The following DNER variants were observed in gnomAD, a reference collection of about 807,000 sequenced individuals.
DNER encodes the protein delta/notch like EGF repeat containing, also known as delta and Notch-like epidermal growth factor-related receptor.
A neutral mutation model predicts 78.2 loss-of-function variants in DNER; 33 were observed. The observed-to-expected ratio is 0.42, with a 90% CI of 0.32 to 0.56. The LOEUF (loss-of-function observed/expected upper bound fraction) is 0.56. DNER is among the 20% of genes least tolerant of loss of function. The pLI is 0.11. For synonymous variants in DNER, 417 were observed against 384.8 expected, an observed-to-expected ratio of 1.08 and a Z score of -0.98; for missense variants, 918 against 975.3, an observed-to-expected ratio of 0.94 and a Z score of 0.78.
intron 1 of DNER, among the ~76,000 whole-genome samples, chr2:229,593,469 C>A (rs6724108): frequency 6.6e-6 from 1 of 152,082 alleles, no homozygotes; most frequent in Non-Finnish European, 1.5e-5. Context: ...GAAATCTAAA[C>A]TAATCTCTTC....
rs776564523 is a variant in DNER at position 229,662,319 on chromosome 2, A to G, written c.276+51829T>C. 3.3e-5 allele frequency among the ~76,000 whole-genome samples: 5 copies of G among 152,224 alleles called. No homozygotes were observed. In the East Asian group the frequency reaches 9.6e-4, roughly 29 times the overall value. ...GGAGCAGCCTCATCCAAAAGGGTAC[A>G]CTGTTGACAGACAAAAGTAGACCTA... On this transcript the variant is annotated intron_variant, in intron 1 of 12. Transcript: ENST00000341772.
At chr2:229,620,327 T>A (rs1007451005) in intron 1 of DNER, among the ~76,000 whole-genome samples, 5 of 152,394 alleles carry the variant, frequency 3.3e-5, no homozygotes, top group Non-Finnish European at 7.3e-5. Context: ...CCATTTAATC[T>A]TTTTTCATGT....
At chr2:229,396,364 TAA>T (rs1263646846) in intron 10 of DNER, among the ~76,000 whole-genome samples, 2 of 152,234 alleles carry the variant, frequency 1.3e-5, no homozygotes, top group Non-Finnish European at 2.9e-5. Flanking sequence ...ATTTAAGAGT[TAA>T]AGAGTTAAAA....
chr2:229,696,360 G>C (rs1377040538), intron 1 of DNER, among the ~76,000 whole-genome samples: 1 of 152,202 alleles, frequency 6.6e-6, no homozygotes, highest in Non-Finnish European at 1.5e-5. Flanking sequence ...GTGCCTGAGG[G>C]GTGCCAGGTC....
intron 12 of DNER, among the ~76,000 whole-genome samples, chr2:229,361,840 T>C (rs887971116): frequency 1.3e-5 from 2 of 151,910 alleles, no homozygotes; most frequent in African/African-American, 4.8e-5. Flanking sequence ...TCAGCATTCT[T>C]GTTAAGTAAA....
intron 10 of DNER, among the ~76,000 whole-genome samples, chr2:229,406,883 C>A (rs1693398849): frequency 6.6e-6 from 1 of 152,166 alleles, no homozygotes; most frequent in African/African-American, 2.4e-5. Flanking sequence ...AGAAGACACA[C>A]CTCTTCCTTC....
chr2:229,366,640 GAACA>G (rs965810355), intron 12 of DNER, among the ~76,000 whole-genome samples: 10 of 152,132 alleles, frequency 6.6e-5, no homozygotes, highest in Middle Eastern at 3.2e-3. Context: ...CAAATTAGAT[GAACA>G]AATATATTCA....
At chr2:229,424,917 T>C (rs1216836583) in intron 8 of DNER, among the ~76,000 whole-genome samples, 1 of 152,188 alleles carries the variant, frequency 6.6e-6, no homozygotes, top group Non-Finnish European at 1.5e-5. Context: ...CCAGGTGTAA[T>C]GATTAAAAAT....
intron 11 of DNER, among the ~76,000 whole-genome samples, chr2:229,370,896 C>G (rs1692466171): frequency 6.6e-6 from 1 of 152,198 alleles, no homozygotes; most frequent in African/African-American, 2.4e-5. Flanking sequence ...TGTGTATACA[C>G]AGTGAGTGCA....
chr2:229,510,888 G>GA (rs1218681616), intron 6 of DNER, among the ~76,000 whole-genome samples: 1 of 152,050 alleles, frequency 6.6e-6, no homozygotes. Context: ...AATGCATACT[G>GA]AAAAAAGGCA....
At chr2:229,587,723 G>A (rs747436982) in intron 3 of DNER, among the ~76,000 whole-genome samples, 2 of 152,062 alleles carry the variant, frequency 1.3e-5, no homozygotes, top group African/African-American at 2.4e-5. Context: ...TTGTCAGCCG[G>A]CCTGGGGCAC....
intron 1 of DNER, among the ~76,000 whole-genome samples, chr2:229,650,359 T>C (rs1698794291): frequency 6.6e-6 from 1 of 152,090 alleles, no homozygotes; most frequent in African/African-American, 2.4e-5. Context: ...AAAAAACGTA[T>C]CCTGTACTGT....
chr2:229,645,418 A>G (rs949519639), intron 1 of DNER, among the ~76,000 whole-genome samples: 1 of 152,218 alleles, frequency 6.6e-6, no homozygotes, highest in Non-Finnish European at 1.5e-5. Flanking sequence ...ATGCTAAACA[A>G]CATTGTAGAT....
At chr2:229,615,644 A>G (rs1370645154) in intron 1 of DNER, among the ~76,000 whole-genome samples, 2 of 152,152 alleles carry the variant, frequency 1.3e-5, no homozygotes, top group Admixed American at 1.3e-4. Context: ...CCCAGGAGGC[A>G]GAGCTTGCAG....
chr2:229,705,223 C>A (rs760382325), intron 1 of DNER, among the ~76,000 whole-genome samples: 2 of 152,174 alleles, frequency 1.3e-5, no homozygotes, highest in Non-Finnish European at 2.9e-5. Context: ...TTTTAATCTG[C>A]CTCCGAAACC....
chr2:229,562,693 G>A (rs1188891832), intron 4 of DNER, among the ~76,000 whole-genome samples: 2 of 152,084 alleles, frequency 1.3e-5, no homozygotes, highest in African/African-American at 4.8e-5. Context: ...CACCAGCTCT[G>A]TGACTTTGAG....
intron 7 of DNER, among the ~76,000 whole-genome samples, chr2:229,453,747 A>C (rs1209909519): frequency 1.3e-5 from 2 of 152,062 alleles, no homozygotes. Flanking sequence ...CAGGGAATGT[A>C]ACTTACATGT....
At chr2:229,637,175 C>G (rs1293042879) in intron 1 of DNER, among the ~76,000 whole-genome samples, 1 of 152,190 alleles carries the variant, frequency 6.6e-6, no homozygotes. Context: ...CACATACTTA[C>G]ATCTGTCATC....
intron 1 of DNER, among the ~76,000 whole-genome samples, chr2:229,660,933 A>C (rs990964181): frequency 3.9e-5 from 6 of 152,208 alleles, no homozygotes; most frequent in Non-Finnish European, 5.9e-5. Flanking sequence ...AATTACATTA[A>C]ATGAAAATAA....
Sources: gnomAD v4.1 joint callset for allele counts (sites outside exome capture counted in the v4.1 genomes callset) on GRCh38, gnomAD v4.1.1 for gene constraint, MANE v1.5 for transcripts, NCBI Gene and HGNC (gene_info 2026-07-23, HGNC 2026-07-21) for gene names.